Variants in TENM1 observed in about 807,000 individuals in gnomAD.
TENM1 encodes teneurin-1.
A neutral mutation model predicts 174.8 loss-of-function variants in TENM1; 35 were observed. The observed-to-expected ratio is 0.20, with a 90% confidence interval of 0.15 to 0.27. The LOEUF (loss-of-function observed/expected upper bound fraction) is 0.27. TENM1 is among the 10% of genes least tolerant of loss of function. The pLI is 1.00. For missense variants in TENM1, 1,633 were observed against 2,130.1 expected (o/e 0.77, Z 4.59); for synonymous variants, 781 against 798.7 (o/e 0.98, Z 0.37).
intron 3 of TENM1, among the ~76,000 whole-genome samples, chrX:124,749,875 A>G (rs1383034616): frequency 3.6e-5 from 4 of 111,850 alleles, no homozygotes; most frequent in Non-Finnish European, 7.5e-5. Context: ...CATATTAATT[A>G]TAGTATATGT....
At chrX:124,717,629 T>TA (rs1216616001) in intron 4 of TENM1, among the ~76,000 whole-genome samples, 1 of 112,039 alleles carries the variant, frequency 8.9e-6, no homozygotes, top group African/African-American at 3.2e-5. Context: ...TGGCTGTACT[T>TA]ACTGTGCTTT....
intron 11 of TENM1, among the ~76,000 whole-genome samples, chrX:124,622,697 A>G (rs942416320): frequency 5.4e-5 from 6 of 111,115 alleles, no homozygotes; most frequent in Admixed American, 3.8e-4. Flanking sequence ...TTTAATTTCA[A>G]AATCAATTTG....
At chrX:124,853,323 G>A (rs1374563589) in intron 3 of TENM1, among the ~76,000 whole-genome samples, 1 of 111,262 alleles carries the variant, frequency 9.0e-6, no homozygotes, top group Non-Finnish European at 1.9e-5. Flanking sequence ...AAAAAAATTA[G>A]TAGCAACCCA....
At chrX:125,032,810 C>T in the TENM1 span, among the ~76,000 whole-genome samples, 8 of 111,857 alleles carry the variant, frequency 7.2e-5, no homozygotes, top group African/African-American at 2.6e-4. Flanking sequence ...GCCTCACGTC[C>T]CAGAGCCCTA....
At chrX:125,144,012 C>T in the TENM1 span, among the ~76,000 whole-genome samples, 9 of 111,713 alleles carry the variant, frequency 8.1e-5, no homozygotes, top group Admixed American at 7.6e-4. Context: ...TTGTTCCCCA[C>T]TGAATTGTAG....
At position 124,874,569 on chromosome X, in the gene TENM1, A is replaced by T. The variant is rs185488957; in HGVS notation, c.535+19727T>A. Among the ~76,000 whole-genome samples, 3 of 110,765 alleles carry T rather than the reference A, an allele frequency of 2.7e-5. No homozygotes were observed. The East Asian group carries it at 8.5e-4, about 31-fold the overall frequency. ...ATAATTTTGTGTAGTCAAATTTGAC[A>T]GCAGTTTTATTTATGGCTTCTAGTT... On this transcript the variant is annotated intron_variant, in intron 3 of 31. Coordinates refer to ENST00000422452, the Ensembl canonical transcript of TENM1.
At chrX:124,659,751 G>T (rs2051542847) in intron 6 of TENM1, among the ~76,000 whole-genome samples, 1 of 111,723 alleles carries the variant, frequency 9.0e-6, no homozygotes, top group African/African-American at 3.3e-5. Flanking sequence ...CACTAATCAA[G>T]ATAATGAGTA....
chrX:125,173,494 TC>T, the TENM1 span, among the ~76,000 whole-genome samples: 1 of 110,906 alleles, frequency 9.0e-6, no homozygotes, highest in African/African-American at 3.3e-5. Flanking sequence ...TAGTGCTAGG[TC>T]CTGGGAATCC....
intron 11 of TENM1, among the ~76,000 whole-genome samples, chrX:124,595,629 G>C (rs778318880): frequency 6.3e-5 from 7 of 110,888 alleles, no homozygotes; most frequent in Non-Finnish European, 1.3e-4. Flanking sequence ...TTACTTGGTC[G>C]GCTCTTATAA....
chrX:124,918,956 G>T (rs2057975722), intron 1 of TENM1, among the ~76,000 whole-genome samples: 1 of 112,113 alleles, frequency 8.9e-6, no homozygotes, highest in Non-Finnish European at 1.9e-5. Flanking sequence ...GCTAAACATT[G>T]TCTGAACATT....
chrX:124,671,668 T>G lies in TENM1; in HGVS notation c.1168+15A>C, dbSNP rs1309184257. On this transcript the variant is annotated intron_variant, in intron 6 of 31. Coordinates refer to ENST00000422452, the Ensembl canonical transcript of TENM1. ...AAGAAAAGTAATCAACAATCAATCA[T>G]TTTGATCACTGTACCTTTTTTCTCT... 1.7e-6 allele frequency: 2 copies of G among 1,197,734 alleles called. No individual in the cohort carries two copies.
intron 14 of TENM1, among the ~76,000 whole-genome samples, chrX:124,555,959 G>A (rs1049034293): frequency 1.8e-5 from 2 of 111,992 alleles, no homozygotes; most frequent in African/African-American, 6.5e-5. Flanking sequence ...CACTTGATGA[G>A]TACAAAACTG....
At chrX:124,480,975 T>C (rs1211375871) in intron 22 of TENM1, among the ~76,000 whole-genome samples, 1 of 111,366 alleles carries the variant, frequency 9.0e-6, no homozygotes, top group African/African-American at 3.3e-5. Context: ...TGGCATATGA[T>C]CCAGAAAATC....
intron 3 of TENM1, among the ~76,000 whole-genome samples, chrX:124,755,222 G>T: frequency 9.2e-6 from 1 of 108,630 alleles, no homozygotes; most frequent in African/African-American, 3.5e-5. Flanking sequence ...TTGTTGAATT[G>T]ATCCCTTTAC....
intron 6 of TENM1, among the ~76,000 whole-genome samples, chrX:124,667,719 T>G (rs907801420): frequency 1.1e-4 from 12 of 111,390 alleles, no homozygotes; most frequent in Admixed American, 1.9e-4. Flanking sequence ...GATTACAGTA[T>G]GTGGTTGTGA....
At position 124,566,588 on chromosome X, in the gene TENM1, T is replaced by A. The variant is rs367944341; in HGVS notation, c.2078-1028A>T. On this transcript the variant is annotated intron_variant, in intron 11 of 31. Coordinates refer to ENST00000422452, the Ensembl canonical transcript of TENM1. ...ATATTCCTGAAAGGAAAAGAGGGTG[T>A]TCTGGAAGCCAGGTTGTCTCTTTCA... Among the ~76,000 whole-genome samples, 26 of 112,407 alleles carry A rather than the reference T, an allele frequency of 2.3e-4. No individual in the cohort carries two copies. In the East Asian group the frequency reaches 5.0e-3, roughly 22 times the overall value.
the TENM1 span, among the ~76,000 whole-genome samples, chrX:124,989,946 G>A: frequency 1.5e-4 from 17 of 111,549 alleles, no homozygotes; most frequent in Non-Finnish European, 2.6e-4. Flanking sequence ...GTGATAAATG[G>A]CATCATCTCG....
At chrX:124,916,862 C>T (rs2057934608) in intron 1 of TENM1, among the ~76,000 whole-genome samples, 1 of 109,372 alleles carries the variant, frequency 9.1e-6, no homozygotes. Flanking sequence ...AAAAAGACAT[C>T]TTTAGCCACT....
chrX:125,101,416 T>C, the TENM1 span, among the ~76,000 whole-genome samples: 2 of 112,002 alleles, frequency 1.8e-5, no homozygotes, highest in Non-Finnish European at 3.8e-5. Flanking sequence ...GTCATTTGGA[T>C]ATGATTAATA....
Sources: allele counts gnomAD v4.1 joint callset (sites outside exome capture counted in the v4.1 genomes callset), GRCh38; gene constraint gnomAD v4.1.1; transcripts MANE v1.5; gene names NCBI Gene and HGNC (gene_info 2026-07-23, HGNC 2026-07-21).